The following ZMYM2 variants were observed in gnomAD, a reference collection of about 807,000 sequenced individuals.
The protein encoded by ZMYM2 is zinc finger MYM-type protein 2.
ZMYM2 carries 56 observed loss-of-function variants against 162.8 expected under a neutral mutation model. That is an observed-to-expected ratio of 0.34 (90% CI 0.28 to 0.43). ZMYM2 has a LOEUF of 0.43. Ranked by LOEUF, ZMYM2 falls within the 20% of genes least tolerant of loss-of-function variation. ZMYM2 has a pLI of 1.00. For missense variants in ZMYM2, 1,275 were observed against 1,621.8 expected (o/e 0.79, Z 3.67); for synonymous variants, 510 against 541.6 (o/e 0.94, Z 0.81).
At chr13:19,928,463 A>G in the ZMYM2 span, among the ~76,000 whole-genome samples, 2 of 152,108 alleles carry the variant, frequency 1.3e-5, no homozygotes, top group Non-Finnish European at 2.9e-5. Flanking sequence ...TGATGTTATC[A>G]ATCTTTTTCT....
the ZMYM2 span, among the ~76,000 whole-genome samples, chr13:19,950,449 A>G: frequency 1.3e-5 from 2 of 152,262 alleles, no homozygotes; most frequent in Admixed American, 1.3e-4. Flanking sequence ...ATATGTAAAC[A>G]GAATGTAACC....
At chr13:20,023,135 T>C (rs1260297672) in intron 7 of ZMYM2, among the ~76,000 whole-genome samples, 3 of 152,194 alleles carry the variant, frequency 2.0e-5, no homozygotes, top group Non-Finnish European at 4.4e-5. Context: ...ATTAAACTAA[T>C]GAAGTAAGTT....
At chr13:19,945,687 A>G in the ZMYM2 span, among the ~76,000 whole-genome samples, 1 of 152,148 alleles carries the variant, frequency 6.6e-6, no homozygotes, top group African/African-American at 2.4e-5. Flanking sequence ...TGTTTGTACA[A>G]AATTTATCAG....
chr13:19,934,392 T>A, the ZMYM2 span, among the ~76,000 whole-genome samples: 1 of 152,128 alleles, frequency 6.6e-6, no homozygotes, highest in Non-Finnish European at 1.5e-5. Context: ...ACTCCTGACC[T>A]TGTGATTTGC....
At chr13:19,921,318 T>C in the ZMYM2 span, among the ~76,000 whole-genome samples, 3 of 152,098 alleles carry the variant, frequency 2.0e-5, no homozygotes, top group African/African-American at 7.2e-5. Context: ...TTTTGTATTT[T>C]TGGTAGAAAC....
chr13:20,010,464 A>G (rs559398230), intron 6 of ZMYM2, among the ~76,000 whole-genome samples: 6 of 152,158 alleles, frequency 3.9e-5, no homozygotes, highest in African/African-American at 1.4e-4. Context: ...TGGCCTTCCA[A>G]AGTGCTAGGA....
intron 9 of ZMYM2, among the ~76,000 whole-genome samples, chr13:20,030,940 T>G (rs2058051507): frequency 6.6e-6 from 1 of 152,208 alleles, no homozygotes; most frequent in African/African-American, 2.4e-5. Flanking sequence ...GAGATAGCAA[T>G]AAGAACTAGG....
chr13:20,062,565 A>G (rs1214705297), intron 17 of ZMYM2, among the ~76,000 whole-genome samples: 1 of 152,170 alleles, frequency 6.6e-6, no homozygotes, highest in Non-Finnish European at 1.5e-5. Flanking sequence ...TACTTGTTGA[A>G]GTTGTTTTAC....
Position 19,993,077 on chromosome 13 carries a change from A to T in ZMYM2, c.5A>T (p.Asp2Val). M[D>V]TSSVGGLELT... ...CTTCCTAACAGGTTCTTTGGCATGG[A>T]CACAAGTTCAGTGGGAGGATTAGAA... The change falls in exon 3 of 25, where the codon GAC becomes GTC. Residue 2 changes from aspartate to valine, a missense_variant. Asp to Val is a radical substitution (Grantham distance 152). Transcript: ENST00000610343. The T allele has an allele frequency of 6.3e-7, 1 of 1,594,138 alleles. No individual in the cohort carries two copies. The highest frequency in any genetic ancestry group is 8.5e-7 in the Non-Finnish European group (1 of 1,171,890).
chr13:19,968,589 T>C (rs912925467), intron 2 of ZMYM2, among the ~76,000 whole-genome samples: 6 of 152,216 alleles, frequency 3.9e-5, no homozygotes, highest in African/African-American at 1.4e-4. Flanking sequence ...TGTTGAGACC[T>C]TTAAGTGTCC....
At chr13:19,871,903 T>A in the ZMYM2 span, among the ~76,000 whole-genome samples, 2 of 152,104 alleles carry the variant, frequency 1.3e-5, no homozygotes, top group African/African-American at 4.8e-5. Flanking sequence ...GAAAGTAATA[T>A]TTGGAGAAAT....
intron 2 of ZMYM2, among the ~76,000 whole-genome samples, chr13:19,989,076 A>G (rs181069457): frequency 7.2e-5 from 11 of 152,306 alleles, no homozygotes; most frequent in African/African-American, 2.6e-4. Context: ...TACTTCTGTC[A>G]GTATGATGTG....
chr13:19,880,430 A>ATTTTTTTT, the ZMYM2 span, among the ~76,000 whole-genome samples: 1 of 150,910 alleles, frequency 6.6e-6, no homozygotes, highest in African/African-American at 2.4e-5. Flanking sequence ...TTGTAACTGA[A>ATTTTTTTT]TTTTTTTTCT....
the ZMYM2 span, among the ~76,000 whole-genome samples, chr13:19,924,785 T>G: frequency 6.6e-6 from 1 of 152,134 alleles, no homozygotes; most frequent in Non-Finnish European, 1.5e-5. Context: ...TGTGCAAATA[T>G]CTCTGTGATA....
the ZMYM2 span, among the ~76,000 whole-genome samples, chr13:19,915,252 T>C: frequency 6.6e-6 from 1 of 151,500 alleles, no homozygotes; most frequent in Non-Finnish European, 1.5e-5. Flanking sequence ...TGAGCCACCA[T>C]GCCCAGGCTT....
At chr13:20,074,066 C>G (rs576933252) in intron 21 of ZMYM2, among the ~76,000 whole-genome samples, 10 of 152,100 alleles carry the variant, frequency 6.6e-5, no homozygotes, top group Non-Finnish European at 1.5e-4. Flanking sequence ...CTTTCTATCT[C>G]TATGATTTTG....
At chr13:19,934,093 A>G in the ZMYM2 span, among the ~76,000 whole-genome samples, 4 of 152,126 alleles carry the variant, frequency 2.6e-5, no homozygotes, top group African/African-American at 9.7e-5. Context: ...TATTAGAAGG[A>G]TTTAAATGTC....
chr13:19,917,248 C>A, the ZMYM2 span, among the ~76,000 whole-genome samples: 5 of 152,198 alleles, frequency 3.3e-5, no homozygotes, highest in African/African-American at 1.2e-4. Context: ...AGGCATGAGC[C>A]ACCACGCCCG....
the ZMYM2 span, among the ~76,000 whole-genome samples, chr13:19,875,133 A>G: frequency 6.6e-6 from 1 of 152,182 alleles, no homozygotes; most frequent in Non-Finnish European, 1.5e-5. Flanking sequence ...TCATCACAGC[A>G]AAGTTATCAG....
Sources: gnomAD v4.1 joint callset for allele counts (sites outside exome capture counted in the v4.1 genomes callset) on GRCh38, gnomAD v4.1.1 for gene constraint, MANE v1.5 for transcripts, NCBI Gene and HGNC (gene_info 2026-07-23, HGNC 2026-07-21) for gene names.